Variants in CMSS1 observed in about 807,000 individuals in gnomAD.
CMSS1 encodes protein CMSS1.
A neutral mutation model predicts 43.5 loss-of-function variants in CMSS1; 33 were observed. That is an observed-to-expected ratio of 0.76 (90% CI 0.57 to 1.01). The LOEUF is 1.01. Among genes scored for constraint, CMSS1 ranks in the 50% least tolerant of loss-of-function variants. The pLI is 0.00. For synonymous variants in CMSS1, 115 were observed against 117.2 expected, an observed-to-expected ratio of 0.98 and a Z score of 0.12; for missense variants, 313 against 326.4, an observed-to-expected ratio of 0.96 and a Z score of 0.32.
At chr3:99,850,731 A>T (rs1349670272) in intron 1 of CMSS1, 1 of 1,613,960 alleles carries the variant, frequency 6.2e-7, no homozygotes, top group Non-Finnish European at 8.5e-7. Flanking sequence ...GACTGTCCTC[A>T]TTGGTGAGCT....
intron 1 of CMSS1, among the ~76,000 whole-genome samples, chr3:99,965,279 T>G (rs1235060467): frequency 1.3e-5 from 2 of 152,202 alleles, no homozygotes; most frequent in African/African-American, 4.8e-5. Context: ...CTGTGTTCTT[T>G]GTATATGTGG....
In CMSS1 at chr3:99,930,849, T is replaced by C. The variant is rs199922409; in HGVS notation, c.64+112806T>C. 4.6e-5 allele frequency: 74 copies of C among 1,613,076 alleles called. No individual in the cohort carries two copies. The African/African-American group carries it at 6.8e-4, about 15-fold the overall frequency. ...TCTTCTGCTTGGTGGCCATTACCACTGTGTGGCTTCTCTGCCTTGGGACAC... is the reference window on the plus strand; with the variant it reads ...TCTTCTGCTTGGTGGCCATTACCACCGTGTGGCTTCTCTGCCTTGGGACAC... On this transcript the variant is annotated intron_variant, in intron 1 of 9. Transcript: ENST00000421999.
intron 1 of CMSS1, among the ~76,000 whole-genome samples, chr3:99,984,796 A>G (rs1246535161): frequency 6.6e-6 from 1 of 152,190 alleles, no homozygotes; most frequent in African/African-American, 2.4e-5. Flanking sequence ...TATATGATAA[A>G]ATCAAGGATC....
intron 1 of CMSS1, among the ~76,000 whole-genome samples, chr3:100,142,675 T>C (rs1427995855): frequency 6.6e-6 from 1 of 152,228 alleles, no homozygotes; most frequent in Non-Finnish European, 1.5e-5. Flanking sequence ...CATTCATTGA[T>C]TTTTAAACAT....
At position 99,914,711 on chromosome 3, in the gene CMSS1, A is replaced by G. The variant is rs762678627; in HGVS notation, c.64+96668A>G. ...AACTTTTGACTTAGCAATTTCACAT[A>G]TAAGAATTCTAAAACAATAATCAGA... On this transcript the variant is annotated intron_variant, in intron 1 of 9. Coordinates refer to ENST00000421999, the MANE Select transcript of CMSS1 (RefSeq NM_032359.4). 2.6e-5 allele frequency among the ~76,000 whole-genome samples: 4 copies of G among 152,268 alleles called. No individual in the cohort carries two copies. In the South Asian group the frequency reaches 8.3e-4, roughly 31 times the overall value.
At chr3:100,017,522 A>G (rs1294359114) in intron 1 of CMSS1, among the ~76,000 whole-genome samples, 1 of 152,214 alleles carries the variant, frequency 6.6e-6, no homozygotes. Flanking sequence ...CATAGTAACC[A>G]AAGAGTGAAA....
intron 1 of CMSS1, among the ~76,000 whole-genome samples, chr3:99,831,458 A>G (rs1462921013): frequency 6.6e-6 from 1 of 152,210 alleles, no homozygotes; most frequent in Non-Finnish European, 1.5e-5. Flanking sequence ...AAAAAGGAAC[A>G]CTAAATTGTT....
At chr3:99,915,045 A>T (rs746251665) in intron 1 of CMSS1, among the ~76,000 whole-genome samples, 4 of 152,132 alleles carry the variant, frequency 2.6e-5, no homozygotes, top group Non-Finnish European at 5.9e-5. Flanking sequence ...CCCTTTTAGG[A>T]TCATTTTTTT....
chr3:99,840,449 C>G (rs1943085703), intron 1 of CMSS1, among the ~76,000 whole-genome samples: 1 of 152,014 alleles, frequency 6.6e-6, no homozygotes, highest in Non-Finnish European at 1.5e-5. Context: ...GTCTTGAACT[C>G]CTGACCTCAT....
At chr3:99,975,874 C>T (rs1198920581) in intron 1 of CMSS1, among the ~76,000 whole-genome samples, 1 of 152,126 alleles carries the variant, frequency 6.6e-6, no homozygotes, top group African/African-American at 2.4e-5. Flanking sequence ...AGCAAGCAAA[C>T]AGTAATAAAA....
intron 1 of CMSS1, among the ~76,000 whole-genome samples, chr3:99,838,037 G>A (rs149413988): frequency 6.6e-6 from 1 of 152,254 alleles, no homozygotes; most frequent in East Asian, 1.9e-4. Flanking sequence ...TCATCTCTGA[G>A]GCTAATCAGG....
At chr3:100,176,770 T>A (rs1356618042) in intron 9 of CMSS1, among the ~76,000 whole-genome samples, 1 of 152,158 alleles carries the variant, frequency 6.6e-6, no homozygotes, top group Non-Finnish European at 1.5e-5. Flanking sequence ...TATGTGCACT[T>A]TTGGCTCGGG....
chr3:99,953,151 G>A (rs759425442), intron 1 of CMSS1, among the ~76,000 whole-genome samples: 1 of 152,164 alleles, frequency 6.6e-6, no homozygotes, highest in African/African-American at 2.4e-5. Flanking sequence ...AGCATATGAA[G>A]TATTAAATAA....
At chr3:99,968,106 C>A (rs1303974417) in intron 1 of CMSS1, among the ~76,000 whole-genome samples, 1 of 152,132 alleles carries the variant, frequency 6.6e-6, no homozygotes, top group African/African-American at 2.4e-5. Context: ...CTAGTAAAGG[C>A]AGTGATCAAG....
chr3:99,849,736 T>C (rs760172432), intron 1 of CMSS1: 1 of 1,613,866 alleles, frequency 6.2e-7, no homozygotes. Context: ...CATGAGGTCA[T>C]CCTCAATGGC....
chr3:99,954,535 G>C (rs1708265067), intron 1 of CMSS1, among the ~76,000 whole-genome samples: 1 of 152,084 alleles, frequency 6.6e-6, no homozygotes, highest in African/African-American at 2.4e-5. Context: ...TATAAAATAA[G>C]AATAACTGGG....
chr3:99,860,712 C>A (rs903271285), intron 1 of CMSS1, among the ~76,000 whole-genome samples: 1 of 152,106 alleles, frequency 6.6e-6, no homozygotes, highest in African/African-American at 2.4e-5. Flanking sequence ...TCAGGCTAGA[C>A]CTGGAAGAAG....
intron 1 of CMSS1, among the ~76,000 whole-genome samples, chr3:99,982,515 A>T (rs1709157757): frequency 6.6e-6 from 1 of 151,630 alleles, no homozygotes; most frequent in African/African-American, 2.4e-5. Context: ...TAATTTTTTT[A>T]TTTTTTTATA....
chr3:99,871,593 G>A (rs1029841553), intron 1 of CMSS1, among the ~76,000 whole-genome samples: 5 of 152,208 alleles, frequency 3.3e-5, no homozygotes, highest in Non-Finnish European at 4.4e-5. Context: ...GCCTTCATAG[G>A]TGACTTCCTC....
Sources: gnomAD v4.1 joint callset for allele counts (sites outside exome capture counted in the v4.1 genomes callset) on GRCh38, gnomAD v4.1.1 for gene constraint, MANE v1.5 for transcripts, NCBI Gene and HGNC (gene_info 2026-07-23, HGNC 2026-07-21) for gene names.